Variants in CHSY3 observed in about 807,000 individuals in gnomAD.
The protein encoded by CHSY3 is N-acetylgalactosaminyl-proteoglycan 3-beta-glucuronosyltransferase 3.
Under a neutral mutation model 67.2 loss-of-function variants are expected in CHSY3, and 35 were observed. The ratio of observed to expected loss-of-function variants is 0.52; its 90% CI spans 0.40 to 0.69. CHSY3 has a LOEUF of 0.69. Among genes scored for constraint, CHSY3 ranks in the 30% least tolerant of loss-of-function variants. The pLI is 0.00. For missense variants in CHSY3, 1,069 were observed against 1,138.5 expected (o/e 0.94, Z 0.88); for synonymous variants, 474 against 434.7 (o/e 1.09, Z -1.12).
chr5:130,136,159 G>A (rs546561753), intron 2 of CHSY3, among the ~76,000 whole-genome samples: 1 of 152,308 alleles, frequency 6.6e-6, no homozygotes, highest in Non-Finnish European at 1.5e-5. Context: ...AGTGAGAAAG[G>A]CTTCACCAAG....
intron 2 of CHSY3, among the ~76,000 whole-genome samples, chr5:129,941,285 A>G (rs1176093151): frequency 6.6e-6 from 1 of 152,212 alleles, no homozygotes; most frequent in African/African-American, 2.4e-5. Flanking sequence ...TAACCCCATC[A>G]TAAGTCAAGG....
intron 2 of CHSY3, among the ~76,000 whole-genome samples, chr5:130,056,739 G>A (rs1462466193): frequency 6.6e-6 from 1 of 151,974 alleles, no homozygotes. Context: ...TAGCTATGTG[G>A]TCTTGGGCAG....
At chr5:130,016,946 A>T (rs1271030800) in intron 2 of CHSY3, among the ~76,000 whole-genome samples, 1 of 152,100 alleles carries the variant, frequency 6.6e-6, no homozygotes, top group Non-Finnish European at 1.5e-5. Flanking sequence ...CATTAGGAAA[A>T]TGGGTCTTGA....
chr5:130,018,748 G>T (rs986479815), intron 2 of CHSY3, among the ~76,000 whole-genome samples: 1 of 152,144 alleles, frequency 6.6e-6, no homozygotes, highest in Non-Finnish European at 1.5e-5. Flanking sequence ...CCCTAGTGTG[G>T]TGATGTTTGG....
chr5:130,104,085 GT>G (rs1729305597), intron 2 of CHSY3, among the ~76,000 whole-genome samples: 1 of 151,664 alleles, frequency 6.6e-6, no homozygotes, highest in African/African-American at 2.4e-5. Context: ...CTTTAGTTTA[GT>G]TTTTTGGCAT....
intron 2 of CHSY3, among the ~76,000 whole-genome samples, chr5:129,951,725 G>C (rs566206227): frequency 6.3e-4 from 96 of 152,114 alleles, no homozygotes; most frequent in Non-Finnish European, 1.1e-3. Flanking sequence ...ACATAGAAGC[G>C]GTCTAAACCA....
At chr5:130,061,093 T>A in intron 2 of CHSY3, among the ~76,000 whole-genome samples, 1 of 151,982 alleles carries the variant, frequency 6.6e-6, no homozygotes, top group Non-Finnish European at 1.5e-5. Context: ...GAAAAGACCC[T>A]GAATAGCCAA....
intron 2 of CHSY3, among the ~76,000 whole-genome samples, chr5:129,970,991 T>C (rs1762626319): frequency 6.6e-6 from 1 of 151,902 alleles, no homozygotes; most frequent in Non-Finnish European, 1.5e-5. Context: ...TATTAAGGCT[T>C]ATTATAGTAT....
At chr5:130,175,537 C>G (rs1196700877) in intron 2 of CHSY3, among the ~76,000 whole-genome samples, 1 of 152,148 alleles carries the variant, frequency 6.6e-6, no homozygotes, top group African/African-American at 2.4e-5. Context: ...AAAACAGAGC[C>G]TGTATAGCCA....
chr5:129,955,654 G>T (rs930255794), intron 2 of CHSY3, among the ~76,000 whole-genome samples: 1 of 151,910 alleles, frequency 6.6e-6, no homozygotes, highest in African/African-American at 2.4e-5. Flanking sequence ...TCATCACCCA[G>T]GTATTAGTTA....
intron 2 of CHSY3, among the ~76,000 whole-genome samples, chr5:130,072,844 A>G (rs1461377525): frequency 6.6e-6 from 1 of 152,198 alleles, no homozygotes. Context: ...ATTCATGACA[A>G]CATGAGTTGA....
intron 2 of CHSY3, among the ~76,000 whole-genome samples, chr5:129,935,582 C>A (rs1050004634): frequency 1.3e-5 from 2 of 152,110 alleles, no homozygotes; most frequent in Non-Finnish European, 2.9e-5. Context: ...GAGTTATTCA[C>A]AAATTGAAGT....
At chr5:130,066,850 T>G (rs2149679595) in intron 2 of CHSY3, among the ~76,000 whole-genome samples, 1 of 152,228 alleles carries the variant, frequency 6.6e-6, no homozygotes, top group Non-Finnish European at 1.5e-5. Flanking sequence ...ATCCGGGGTC[T>G]GTCATAGGCT....
intron 2 of CHSY3, among the ~76,000 whole-genome samples, chr5:130,046,600 G>A (rs1235468443): frequency 6.6e-6 from 1 of 151,978 alleles, no homozygotes; most frequent in Non-Finnish European, 1.5e-5. Context: ...TGAATGAGCT[G>A]ACGATCTTGT....
chr5:130,006,796 G>A (rs184452152), intron 2 of CHSY3, among the ~76,000 whole-genome samples: 69 of 152,064 alleles, frequency 4.5e-4, no homozygotes, highest in African/African-American at 1.6e-3. Flanking sequence ...TCAGTGCTTG[G>A]GTCCTCTAAA....
intron 2 of CHSY3, among the ~76,000 whole-genome samples, chr5:129,959,755 AT>A (rs993712751): frequency 3.3e-5 from 5 of 151,898 alleles, no homozygotes; most frequent in Non-Finnish European, 5.9e-5. Flanking sequence ...TAAATTTGAA[AT>A]TTTTTTCCGA....
intron 2 of CHSY3, among the ~76,000 whole-genome samples, chr5:130,003,409 C>A (rs1265471070): frequency 6.6e-6 from 1 of 152,060 alleles, no homozygotes; most frequent in African/African-American, 2.4e-5. Context: ...TCTGATACAA[C>A]CTAAATGGTG....
At chr5:130,097,050 A>G (rs1290733527) in intron 2 of CHSY3, among the ~76,000 whole-genome samples, 2 of 152,340 alleles carry the variant, frequency 1.3e-5, no homozygotes, top group East Asian at 3.9e-4. Flanking sequence ...GGGTACACAC[A>G]TACAAAGTAG....
chr5:130,063,155 T>C (rs1301031387), intron 2 of CHSY3, among the ~76,000 whole-genome samples: 2 of 152,148 alleles, frequency 1.3e-5, no homozygotes, highest in Non-Finnish European at 1.5e-5. Flanking sequence ...CAGTTTTTTA[T>C]TGTATGCATG....
Sources: allele counts gnomAD v4.1 joint callset (sites outside exome capture counted in the v4.1 genomes callset), GRCh38; gene constraint gnomAD v4.1.1; transcripts MANE v1.5; gene names NCBI Gene and HGNC (gene_info 2026-07-23, HGNC 2026-07-21).